Variants in SMYD3 observed in about 807,000 individuals in gnomAD.
The protein encoded by SMYD3 is histone-lysine N-methyltransferase SMYD3.
In SMYD3, 36 loss-of-function variants were observed where a neutral mutation model predicts 57.7. That is an observed-to-expected ratio of 0.62 (90% CI 0.48 to 0.82). The LOEUF is 0.82. Among genes scored for constraint, SMYD3 ranks in the 40% least tolerant of loss-of-function variants. The pLI is 0.00. For synonymous variants in SMYD3, 211 were observed against 195.0 expected, an observed-to-expected ratio of 1.08 and a Z score of -0.68; for missense variants, 515 against 538.8, an observed-to-expected ratio of 0.96 and a Z score of 0.44.
intron 1 of SMYD3, among the ~76,000 whole-genome samples, chr1:246,434,945 T>A (rs1032466504): frequency 1.3e-5 from 2 of 152,170 alleles, no homozygotes; most frequent in African/African-American, 4.8e-5. Context: ...GGGGTGTGTG[T>A]GGAATAGTAT....
chr1:246,292,335 C>T (rs2064710553), intron 5 of SMYD3, among the ~76,000 whole-genome samples: 1 of 151,864 alleles, frequency 6.6e-6, no homozygotes, highest in African/African-American at 2.4e-5. Flanking sequence ...CTATCCAATA[C>T]ACCAGTACAT....
At chr1:246,396,479 C>T (rs1344624394) in intron 1 of SMYD3, among the ~76,000 whole-genome samples, 8 of 152,226 alleles carry the variant, frequency 5.3e-5, no homozygotes, top group Admixed American at 2.6e-4. Flanking sequence ...ACATCATCAA[C>T]GCACACTGGA....
chr1:246,091,245 G>A (rs2060818826), intron 5 of SMYD3, among the ~76,000 whole-genome samples: 1 of 152,170 alleles, frequency 6.6e-6, no homozygotes, highest in Non-Finnish European at 1.5e-5. Context: ...GCTTGAAGCT[G>A]GAAGAGGTTC....
At chr1:245,965,439 T>A (rs970536269) in intron 5 of SMYD3, among the ~76,000 whole-genome samples, 1 of 152,150 alleles carries the variant, frequency 6.6e-6, no homozygotes, top group East Asian at 1.9e-4. Flanking sequence ...GAAAACAGTA[T>A]CATATAAAAT....
chr1:246,220,675 G>A (rs1298762658), intron 5 of SMYD3, among the ~76,000 whole-genome samples: 1 of 152,204 alleles, frequency 6.6e-6, no homozygotes, highest in Non-Finnish European at 1.5e-5. Context: ...TCACCAGTGA[G>A]GCCCCATTGT....
At chr1:245,879,108 G>C (rs918816133) in intron 8 of SMYD3, among the ~76,000 whole-genome samples, 1 of 152,162 alleles carries the variant, frequency 6.6e-6, no homozygotes, top group Non-Finnish European at 1.5e-5. Flanking sequence ...GATAATGAGG[G>C]CACGGTAGTC....
intron 5 of SMYD3, among the ~76,000 whole-genome samples, chr1:246,210,054 G>C (rs1445783621): frequency 6.6e-6 from 1 of 152,098 alleles, no homozygotes; most frequent in African/African-American, 2.4e-5. Context: ...ATCACCTAGA[G>C]AGCCTGTTTA....
chr1:246,414,936 C>T (rs1009230612), intron 1 of SMYD3, among the ~76,000 whole-genome samples: 4 of 152,006 alleles, frequency 2.6e-5, no homozygotes, highest in Non-Finnish European at 4.4e-5. Flanking sequence ...AGGCCAGTCT[C>T]GAACTCCTGA....
intron 5 of SMYD3, among the ~76,000 whole-genome samples, chr1:246,110,733 A>C (rs1291634900): frequency 6.6e-6 from 1 of 152,258 alleles, no homozygotes; most frequent in African/African-American, 2.4e-5. Context: ...TGTTATGGCT[A>C]CATAGCTGTT....
intron 5 of SMYD3, among the ~76,000 whole-genome samples, chr1:246,010,841 T>C (rs1175895018): frequency 6.6e-6 from 1 of 152,180 alleles, no homozygotes; most frequent in Admixed American, 6.6e-5. Flanking sequence ...TCAAAAACAT[T>C]AAGCTAAAGA....
At chr1:246,338,025 A>T (rs1009376514) in intron 2 of SMYD3, among the ~76,000 whole-genome samples, 2 of 152,226 alleles carry the variant, frequency 1.3e-5, no homozygotes, top group African/African-American at 4.8e-5. Flanking sequence ...ACTTATTCCT[A>T]GATCATTGCC....
intron 5 of SMYD3, among the ~76,000 whole-genome samples, chr1:246,074,401 G>C (rs1377292805): frequency 1.3e-5 from 2 of 148,516 alleles, no homozygotes; most frequent in Non-Finnish European, 3.0e-5. Context: ...TACACTAGAA[G>C]CAACAACCAT....
intron 1 of SMYD3, among the ~76,000 whole-genome samples, chr1:246,444,806 C>T (rs1205820542): frequency 2.0e-5 from 3 of 152,136 alleles, no homozygotes; most frequent in Non-Finnish European, 4.4e-5. Context: ...GCACACAAAA[C>T]GCAAAAGCTG....
At chr1:246,482,579 TCTCA>T (rs1345496895) in intron 1 of SMYD3, among the ~76,000 whole-genome samples, 2 of 152,114 alleles carry the variant, frequency 1.3e-5, no homozygotes, top group Non-Finnish European at 2.9e-5. Context: ...TCTCCACAGC[TCTCA>T]CTCAGAGGTG....
intron 5 of SMYD3, among the ~76,000 whole-genome samples, chr1:246,041,076 T>C (rs1341202451): frequency 1.3e-5 from 2 of 152,182 alleles, no homozygotes; most frequent in Non-Finnish European, 1.5e-5. Context: ...CACAAATACT[T>C]AACCTTGTGT....
intron 5 of SMYD3, among the ~76,000 whole-genome samples, chr1:245,946,158 T>C (rs184451371): frequency 6.6e-6 from 1 of 152,240 alleles, no homozygotes; most frequent in Admixed American, 6.5e-5. Flanking sequence ...TTAAAGATAG[T>C]ACTGCCTGAA....
Position 245,772,237 on chromosome 1 carries a change from C to A in SMYD3, c.1077-8088G>T, listed in dbSNP as rs562499521. The stretch of plus-strand genomic sequence containing the variant: ...CGTGGTGTCACACAGGATTTGACAA[C>A]ATCACAGTGAGATTTTATCTAATGC... On this transcript the variant is annotated intron_variant, in intron 10 of 11. Transcript: ENST00000490107. 3.3e-5 allele frequency among the ~76,000 whole-genome samples: 5 copies of A among 152,342 alleles called. No homozygotes were observed. In the East Asian group the frequency reaches 9.6e-4, roughly 29 times the overall value.
chr1:245,794,213 C>G (rs186573493), intron 10 of SMYD3, among the ~76,000 whole-genome samples: 1 of 152,222 alleles, frequency 6.6e-6, no homozygotes, highest in Non-Finnish European at 1.5e-5. Context: ...CACTGTTCTA[C>G]GCATTCTACA....
At chr1:246,084,917 T>C (rs994860788) in intron 5 of SMYD3, among the ~76,000 whole-genome samples, 1 of 152,202 alleles carries the variant, frequency 6.6e-6, no homozygotes, top group Non-Finnish European at 1.5e-5. Context: ...CCATATTCTT[T>C]AGAGCACATT....
Sources: allele counts gnomAD v4.1 joint callset (sites outside exome capture counted in the v4.1 genomes callset), GRCh38; gene constraint gnomAD v4.1.1; transcripts MANE v1.5; gene names NCBI Gene and HGNC (gene_info 2026-07-23, HGNC 2026-07-21).